RFTN2: variants seen among roughly 807,000 people sequenced by gnomAD.
The protein encoded by RFTN2 is raftlin family member 2.
A neutral mutation model predicts 52.7 loss-of-function variants in RFTN2; 34 were observed. That is an observed-to-expected ratio of 0.64 (90% CI 0.49 to 0.86). RFTN2 has a LOEUF of 0.86. Among genes scored for constraint, RFTN2 ranks in the 40% least tolerant of loss-of-function variants. RFTN2 has a pLI of 0.00. For synonymous variants in RFTN2, 203 were observed against 217.7 expected, an observed-to-expected ratio of 0.93 and a Z score of 0.59; for missense variants, 536 against 600.1, an observed-to-expected ratio of 0.89 and a Z score of 1.12.
intron 4 of RFTN2, among the ~76,000 whole-genome samples, chr2:197,631,814 T>G (rs1051188259): frequency 6.6e-6 from 1 of 152,168 alleles, no homozygotes; most frequent in Non-Finnish European, 1.5e-5. Flanking sequence ...TTACTAGGAA[T>G]TGGCAAATTC....
intron 8 of RFTN2, among the ~76,000 whole-genome samples, chr2:197,574,619 G>GC (rs2087381994): frequency 1.3e-5 from 2 of 152,172 alleles, no homozygotes; most frequent in Non-Finnish European, 2.9e-5. Flanking sequence ...TGTAATCCCA[G>GC]CACTTTGGGA....
At chr2:197,593,551 GATGATTTTTTCCTAAAAATA>G (rs1476045159) in intron 8 of RFTN2, among the ~76,000 whole-genome samples, 1 of 147,324 alleles carries the variant, frequency 6.8e-6, no homozygotes, top group Non-Finnish European at 1.5e-5. Context: ...TGTGAATTCT[GATGATTTTTTCCTAAAAATA>G]ATGGCCATTT....
At chr2:197,644,010 T>G in intron 3 of RFTN2, 148 bp downstream of exon 3, 1 of 614,744 alleles carries the variant, frequency 1.6e-6, no homozygotes, top group Non-Finnish European at 2.9e-6. Flanking sequence ...GCTTTACCAT[T>G]TGGCACAAGT....
intron 8 of RFTN2, chr2:197,588,024 G>A (rs1316901909): frequency 6.4e-6 from 3 of 469,308 alleles, no homozygotes; most frequent in Non-Finnish European, 1.3e-5. Context: ...ACCCACATCT[G>A]CAAAAATATG....
chr2:197,589,219 CAAAAAAAAAAAAAA>C lies in RFTN2; in HGVS notation c.1233+6758_1233+6771del, dbSNP rs35798927. Among the ~76,000 whole-genome samples, 77 of 33,558 alleles carry C rather than the reference CAAAAAAAAAAAAAA, an allele frequency of 2.3e-3. No individual in the cohort carries two copies. The South Asian group carries it at 0.056, about 24-fold the overall frequency. The allele number at this position is 33,558 out of a possible 152,430, so 22.0% of individuals were successfully genotyped here. On this transcript the variant is annotated intron_variant, in intron 8 of 8. Coordinates refer to ENST00000295049, the MANE Select transcript of RFTN2 (RefSeq NM_144629.3). ...CCTGGGTGACAGAGTGACTCTGTCTCAAAAAAAAAAAAAAAAAAAAAAAAAAAAAAAAAAGGAGT... is the reference window on the plus strand; with the variant it reads ...CCTGGGTGACAGAGTGACTCTGTCTCAAAAAAAAAAAAAAAAAAAAGGAGT...
chr2:197,670,158 C>G (rs1461147434), intron 1 of RFTN2, among the ~76,000 whole-genome samples: 1 of 152,164 alleles, frequency 6.6e-6, no homozygotes, highest in Non-Finnish European at 1.5e-5. Flanking sequence ...TCTATGGCTG[C>G]TTTAGCGCTA....
intron 3 of RFTN2, among the ~76,000 whole-genome samples, chr2:197,640,550 C>G (rs1360279713): frequency 6.9e-6 from 1 of 145,480 alleles, no homozygotes; most frequent in Non-Finnish European, 1.5e-5. Flanking sequence ...CTCCCTGACC[C>G]CTTGCGCTTC....
At chr2:197,673,737 A>G (rs755452877) in intron 1 of RFTN2, among the ~76,000 whole-genome samples, 13 of 152,234 alleles carry the variant, frequency 8.5e-5, no homozygotes, top group Non-Finnish European at 1.9e-4. Flanking sequence ...TGATTCAAGG[A>G]TGACTGCATT....
At chr2:197,594,409 C>T (rs1477970489) in intron 8 of RFTN2, among the ~76,000 whole-genome samples, 1 of 152,066 alleles carries the variant, frequency 6.6e-6, no homozygotes, top group Non-Finnish European at 1.5e-5. Context: ...CTCACTGCAG[C>T]ACTGAACTCC....
chr2:197,587,386 G>T (rs550198423), intron 8 of RFTN2, among the ~76,000 whole-genome samples: 1 of 152,156 alleles, frequency 6.6e-6, no homozygotes, highest in South Asian at 2.1e-4. Context: ...CAAGCCTGCA[G>T]GTATACATCC....
intron 8 of RFTN2, among the ~76,000 whole-genome samples, chr2:197,580,069 TG>T (rs1348320073): frequency 6.6e-6 from 1 of 152,086 alleles, no homozygotes; most frequent in Non-Finnish European, 1.5e-5. Flanking sequence ...ATGGCCCACT[TG>T]GCAACAACCC....
intron 5 of RFTN2, among the ~76,000 whole-genome samples, chr2:197,619,284 GT>G (rs987169501): frequency 2.0e-5 from 3 of 152,032 alleles, no homozygotes; most frequent in African/African-American, 7.3e-5. Context: ...GACAATGGCG[GT>G]TTTGTAGAAT....
intron 5 of RFTN2, among the ~76,000 whole-genome samples, chr2:197,624,375 G>A (rs1321101464): frequency 6.6e-6 from 1 of 151,812 alleles, no homozygotes; most frequent in East Asian, 2.0e-4. Flanking sequence ...TGAGGTGGGC[G>A]GATCACAAGG....
intron 7 of RFTN2, among the ~76,000 whole-genome samples, chr2:197,608,880 A>T (rs2088008544): frequency 6.6e-6 from 1 of 151,128 alleles, no homozygotes; most frequent in South Asian, 2.1e-4. Flanking sequence ...AGAACATGCG[A>T]TGTTTGGTTT....
intron 3 of RFTN2, among the ~76,000 whole-genome samples, chr2:197,636,909 G>T (rs1269348293): frequency 1.3e-5 from 2 of 151,552 alleles, no homozygotes; most frequent in Non-Finnish European, 2.9e-5. Context: ...TTTGAAATAC[G>T]TCCCATCAAT....
At chr2:197,655,890 A>G (rs2088888505) in intron 1 of RFTN2, among the ~76,000 whole-genome samples, 1 of 152,188 alleles carries the variant, frequency 6.6e-6, no homozygotes, top group African/African-American at 2.4e-5. Context: ...AACTGTTTCA[A>G]ATGTGCATGT....
chr2:197,622,734 T>C (rs1013650592), intron 5 of RFTN2, among the ~76,000 whole-genome samples: 3 of 152,220 alleles, frequency 2.0e-5, no homozygotes, highest in African/African-American at 7.2e-5. Context: ...GACTCTCTTG[T>C]TAGGGACTAA....
chr2:197,597,420 TGGAACCAGACAGTTCCTG>T (rs1457587634), intron 7 of RFTN2, among the ~76,000 whole-genome samples: 1 of 152,254 alleles, frequency 6.6e-6, no homozygotes, highest in African/African-American at 2.4e-5. Context: ...GCCATGGCTT[TGGAACCAGACAGTTCCTG>T]GGTTCAAATC....
chr2:197,666,171 G>A (rs954112417), intron 1 of RFTN2, among the ~76,000 whole-genome samples: 20 of 151,790 alleles, frequency 1.3e-4, no homozygotes, highest in African/African-American at 4.8e-4. Context: ...TGCAACCTCT[G>A]CCTCCCAGCT....
Sources: gnomAD v4.1 joint callset for allele counts (sites outside exome capture counted in the v4.1 genomes callset) on GRCh38, gnomAD v4.1.1 for gene constraint, MANE v1.5 for transcripts, NCBI Gene and HGNC (gene_info 2026-07-23, HGNC 2026-07-21) for gene names.